Variants in TRIM26 observed in about 807,000 individuals in gnomAD.
The protein encoded by TRIM26 is tripartite motif containing 26.
A neutral mutation model predicts 45.5 loss-of-function variants in TRIM26; 16 were observed. That is an observed-to-expected ratio of 0.35 (90% CI 0.24 to 0.53). TRIM26 has a LOEUF of 0.53. Ranked by LOEUF, TRIM26 falls within the 20% of genes least tolerant of loss-of-function variation. The pLI is 0.92. For missense variants in TRIM26, 442 were observed against 691.1 expected (o/e 0.64, Z 4.04); for synonymous variants, 273 against 290.4 (o/e 0.94, Z 0.61).
intron 6 of TRIM26, among the ~76,000 whole-genome samples, chr6:30,193,082 A>C (rs933427611): frequency 1.1e-4 from 16 of 139,742 alleles, no homozygotes; most frequent in African/African-American, 4.0e-4. Context: ...ATATATGTAT[A>C]TATACATATA....
At position 30,198,601 on chromosome 6, in the gene TRIM26, G is replaced by A; in HGVS notation, c.438+65C>T. On this transcript the variant is annotated intron_variant, in intron 4 of 9. Coordinates refer to ENST00000454678, the MANE Select transcript of TRIM26 (RefSeq NM_003449.5). This position sits in a 1 kb window ranked among gnomAD's most constrained non-coding sequence, Gnocchi z 6.3. Reference sequence around the variant, plus strand: ...AAGGGAGACTCAGGCTGAGTCCTCTGAGGACTGCAAGGTGGAGCATCCAGA... The same window carrying A: ...AAGGGAGACTCAGGCTGAGTCCTCTAAGGACTGCAAGGTGGAGCATCCAGA... 3.1e-6 allele frequency: 5 copies of A among 1,610,830 alleles called. No individual in the cohort carries two copies. The highest frequency in any genetic ancestry group is 4.2e-6 in the Non-Finnish European group (5 of 1,179,140).
Position 30,198,580 on chromosome 6 carries a change from G to A in TRIM26, c.439-56C>T. 6.2e-7 allele frequency: 1 copy of A among 1,612,020 alleles called. No homozygotes were observed. Among genetic ancestry groups the A allele is most frequent in the Non-Finnish European group, 8.5e-7 (1 of 1,179,394 alleles). On this transcript the variant is annotated intron_variant, in intron 4 of 9. Coordinates refer to ENST00000454678, the MANE Select transcript of TRIM26 (RefSeq NM_003449.5). The surrounding 1 kb of genome is among the most constrained non-coding windows in gnomAD (Gnocchi z 6.3). ...GATGCTCTGGGCTGGGGCAGGAAGG[G>A]AGACTCAGGCTGAGTCCTCTGAGGA...
chr6:30,196,381 G>A lies in TRIM26; in HGVS notation c.765+135C>T. On this transcript the variant is annotated intron_variant, in intron 6 of 9. Transcript: ENST00000454678. This position sits in a 1 kb window ranked among gnomAD's most constrained non-coding sequence, Gnocchi z 4.9. ...CATGCAATCTACAGACTAATTGGCA[G>A]CAGTAAGGATTATCATCTCCATGTT... The A allele has an allele frequency of 1.3e-6, 1 of 777,616 alleles. No homozygotes were observed. The highest frequency in any genetic ancestry group is 2.1e-6 in the Non-Finnish European group (1 of 487,104). 48.2% of individuals were successfully genotyped at this position (777,616 alleles called of 1,614,324 possible).
In TRIM26 at chr6:30,185,780, G is replaced by A. The variant is rs1319618941; in HGVS notation, c.*96C>T. On this transcript the variant is annotated 3_prime_UTR_variant, in exon 10 of 10. Transcript: ENST00000454678. This position sits in a 1 kb window ranked among gnomAD's most constrained non-coding sequence, Gnocchi z 5.7. ...GTGGATATGGGGTCCCCTGCTCCAG[G>A]TGCTTAGGCCAGGCATCCCGTCCCC... 7.1e-6 allele frequency: 10 copies of A among 1,408,862 alleles called. No homozygotes were observed. The highest frequency in any genetic ancestry group is 9.6e-6 in the Non-Finnish European group (10 of 1,043,990). 87.3% of individuals were successfully genotyped at this position (1,408,862 alleles called of 1,614,324 possible).
chr6:30,205,952 G>C (rs1777687223), intron 1 of TRIM26, among the ~76,000 whole-genome samples: 1 of 152,140 alleles, frequency 6.6e-6, no homozygotes, highest in South Asian at 2.1e-4. Flanking sequence ...TGGCCTCCAG[G>C]GTACCAGTTC....
At chr6:30,205,969 C>A (rs887107598) in intron 1 of TRIM26, among the ~76,000 whole-genome samples, 2 of 152,228 alleles carry the variant, frequency 1.3e-5, no homozygotes. Context: ...GTTCAGGCCT[C>A]TCTTGAGTAT....
At chr6:30,208,787 T>G (rs1777974225) in intron 1 of TRIM26, among the ~76,000 whole-genome samples, 1 of 152,162 alleles carries the variant, frequency 6.6e-6, no homozygotes, top group African/African-American at 2.4e-5. Context: ...CCAAAGTGAC[T>G]ATAGTGCTAT....
intron 1 of TRIM26, among the ~76,000 whole-genome samples, chr6:30,212,877 A>G (rs754861550): frequency 2.0e-5 from 3 of 151,198 alleles, no homozygotes; most frequent in Non-Finnish European, 2.9e-5. Context: ...GTGAAAGCAC[A>G]GCTCCAAGTA....
Position 30,185,748 on chromosome 6 carries a change from G to T in TRIM26, c.*128C>A. 2 of 1,016,012 alleles carry T rather than the reference G, an allele frequency of 2.0e-6. No homozygotes were observed. The highest frequency in any genetic ancestry group is 2.9e-6 in the Non-Finnish European group (2 of 700,060). The allele number at this position is 1,016,012 out of a possible 1,614,324, so 62.9% of individuals were successfully genotyped here. On this transcript the variant is annotated 3_prime_UTR_variant, in exon 10 of 10. Coordinates refer to ENST00000454678, the MANE Select transcript of TRIM26 (RefSeq NM_003449.5). This position sits in a 1 kb window ranked among gnomAD's most constrained non-coding sequence, Gnocchi z 5.7. ...AGGGGGCCACAGCAATGGGGAGGTGGCTACCAGTGGATATGGGGTCCCCTG... is the reference window on the plus strand; with the variant it reads ...AGGGGGCCACAGCAATGGGGAGGTGTCTACCAGTGGATATGGGGTCCCCTG...
chr6:30,193,238 G>C (rs912425888), intron 6 of TRIM26, among the ~76,000 whole-genome samples: 8 of 139,820 alleles, frequency 5.7e-5, no homozygotes, highest in African/African-American at 2.2e-4. Context: ...CTGGAATGCA[G>C]TGGCACAATC....
rs1774978781 is a variant in TRIM26, at chr6:30,184,772, A to G, written c.*1104T>C. The G allele has an allele frequency of 6.5e-6, 1 of 153,130 alleles. No homozygotes were observed. Among genetic ancestry groups the G allele is most frequent in the Non-Finnish European group, 1.5e-5 (1 of 68,342 alleles). The allele number at this position is 153,130 out of a possible 1,614,324, so 9.5% of individuals were successfully genotyped here. ...GGGTAAGGACAAGACTGGGAGATCAATTTGGCTGGAGCAGGGGAGCTTGTG... is the reference window on the plus strand; with the variant it reads ...GGGTAAGGACAAGACTGGGAGATCAGTTTGGCTGGAGCAGGGGAGCTTGTG... On this transcript the variant is annotated 3_prime_UTR_variant, in exon 10 of 10. Transcript: ENST00000454678.
intron 6 of TRIM26, among the ~76,000 whole-genome samples, chr6:30,193,136 A>G (rs9380157): frequency 0.043 from 2,213 of 51,540 alleles, 176 homozygotes; most frequent in African/African-American, 0.19. Flanking sequence ...ATATACATAT[A>G]TGTGTGTGTG....
intron 6 of TRIM26, among the ~76,000 whole-genome samples, chr6:30,195,880 G>T (rs557425271): frequency 1.4e-4 from 22 of 152,188 alleles, no homozygotes; most frequent in Admixed American, 1.4e-3. Flanking sequence ...AGGCTCCCGG[G>T]GGGGAGGAGA....
intron 9 of TRIM26, chr6:30,187,098 T>C (rs1775271217): frequency 3.5e-6 from 1 of 289,430 alleles, no homozygotes; most frequent in Admixed American, 5.0e-5. Context: ...TTTTTGGCTG[T>C]TGTATTTCTG....
Position 30,186,300 on chromosome 6 carries a change from T to G in TRIM26, c.1196A>C (p.Glu399Ala). The stretch of plus-strand genomic sequence containing the variant: ...ATATCCATCCCCATAGCCGGCCTCC[T>G]CTTCCTCCTCCTCCTCTTCTCCCTC... ...EEEGEEEEEE[E>A]EAGYGDGYDD... Residue 399 changes from glutamate (E) to alanine (A), a missense_variant, in exon 10 of 10, where the codon GAG becomes GCG. Coordinates refer to ENST00000454678, the MANE Select transcript of TRIM26 (RefSeq NM_003449.5). The surrounding 1 kb of genome is among the most constrained non-coding windows in gnomAD (Gnocchi z 7.4). 6.2e-7 allele frequency: 1 copy of G among 1,610,326 alleles called. No homozygotes were observed. Among genetic ancestry groups the G allele is most frequent in the Non-Finnish European group, 8.5e-7 (1 of 1,177,644 alleles).
intron 9 of TRIM26, chr6:30,187,691 G>A (rs978417520): frequency 5.5e-5 from 12 of 216,748 alleles, no homozygotes; most frequent in Non-Finnish European, 9.4e-5. Flanking sequence ...AGGCCGAGGC[G>A]GGTGGATCAC....
At chr6:30,193,191 T>A (rs1202528352) in intron 6 of TRIM26, among the ~76,000 whole-genome samples, 6 of 105,514 alleles carry the variant, frequency 5.7e-5, no homozygotes, top group East Asian at 2.5e-4. Context: ...TATTTTTTTT[T>A]TTTTTTTTTT....
At position 30,189,083 on chromosome 6, in the gene TRIM26, G is replaced by C; in HGVS notation, c.937+84C>G. 6.8e-7 allele frequency: 1 copy of C among 1,477,852 alleles called. No homozygotes were observed. The highest frequency in any genetic ancestry group is 9.2e-7 in the Non-Finnish European group (1 of 1,086,256). 91.5% of individuals were successfully genotyped at this position (1,477,852 alleles called of 1,614,324 possible). A position where few individuals can be genotyped will look rare whatever the true frequency, so the allele number is the denominator to read the frequency against. ...TTCCTGTTGCAAAAGGGGCTACCTGGGGGAAAAGTGAGCAGTCAGAATCTC... is the reference window on the plus strand; with the variant it reads ...TTCCTGTTGCAAAAGGGGCTACCTGCGGGAAAAGTGAGCAGTCAGAATCTC... On this transcript the variant is annotated intron_variant, in intron 9 of 9. Coordinates refer to ENST00000454678, the MANE Select transcript of TRIM26 (RefSeq NM_003449.5). This position sits in a 1 kb window ranked among gnomAD's most constrained non-coding sequence, Gnocchi z 5.0.
intron 2 of TRIM26, among the ~76,000 whole-genome samples, chr6:30,201,396 C>T (rs1244125888): frequency 6.6e-6 from 1 of 152,064 alleles, no homozygotes; most frequent in Non-Finnish European, 1.5e-5. Context: ...TAATAAATTC[C>T]AACTGGAAGC....
Sources: gnomAD v4.1 joint callset for allele counts (sites outside exome capture counted in the v4.1 genomes callset) on GRCh38, gnomAD v4.1.1 for gene constraint, Gnocchi (gnomAD v3.1) non-coding constraint, MANE v1.5 for transcripts, NCBI Gene and HGNC (gene_info 2026-07-23, HGNC 2026-07-21) for gene names.